KATNAL2: variants seen among roughly 807,000 people sequenced by gnomAD.
KATNAL2 encodes katanin p60 ATPase-containing subunit A-like 2.
In KATNAL2, 52 loss-of-function variants were observed where a neutral mutation model predicts 76.3. The observed-to-expected ratio is 0.68, with a 90% CI of 0.55 to 0.86. The LOEUF (loss-of-function observed/expected upper bound fraction) is 0.86. Ranked by LOEUF, KATNAL2 falls within the 40% of genes least tolerant of loss-of-function variation. The pLI is 0.00. For missense variants in KATNAL2, 660 were observed against 668.9 expected, an observed-to-expected ratio of 0.99 and a Z score of 0.15; for synonymous variants, 243 against 244.2, an observed-to-expected ratio of 1.00 and a Z score of 0.05.
chr18:47,043,421 C>T (rs2061041690), intron 3 of KATNAL2, among the ~76,000 whole-genome samples: 1 of 152,186 alleles, frequency 6.6e-6, no homozygotes, highest in African/African-American at 2.4e-5. Context: ...AGAATGTGTG[C>T]TATTTTTTGT....
At chr18:47,063,257 T>G (rs749398906) in intron 9 of KATNAL2, 27 bp from the exon 10 acceptor site, 3 of 1,607,790 alleles carry the variant, frequency 1.9e-6, no homozygotes, top group Non-Finnish European at 2.6e-6. Flanking sequence ...AATATTGTAA[T>G]GTGAGCCTTT....
chr18:47,084,351 G>A (rs1245945318), intron 15 of KATNAL2: 7 of 702,672 alleles, frequency 1.0e-5, no homozygotes, highest in African/African-American at 1.7e-5. Flanking sequence ...GCATTTTTGG[G>A]CTCCAGGAAG....
intron 3 of KATNAL2, among the ~76,000 whole-genome samples, chr18:46,967,542 C>CGT (rs67844926): frequency 0.23 from 23,272 of 99,906 alleles, 174 homozygotes; most frequent in East Asian, 0.4. Flanking sequence ...TGTGCGTGTG[C>CGT]GTGTGTGTGT....
chr18:46,944,540 G>A (rs1194780802), intron 1 of KATNAL2, among the ~76,000 whole-genome samples: 1 of 152,074 alleles, frequency 6.6e-6, no homozygotes, highest in African/African-American at 2.4e-5. Context: ...TTCGAGACCA[G>A]CCTGGCCAAC....
intron 5 of KATNAL2, among the ~76,000 whole-genome samples, chr18:47,053,866 C>T (rs2061401648): frequency 6.6e-6 from 1 of 152,190 alleles, no homozygotes; most frequent in Non-Finnish European, 1.5e-5. Context: ...GAAGAGACAG[C>T]CCAGACTCCT....
At chr18:47,046,704 C>T (rs1015923100) in intron 4 of KATNAL2, among the ~76,000 whole-genome samples, 177 bp downstream of exon 4, 1 of 152,162 alleles carries the variant, frequency 6.6e-6, no homozygotes. Flanking sequence ...AGTTTCCTCT[C>T]CCAGTGACAT....
Position 47,069,273 on chromosome 18 carries a change from C to T in KATNAL2, c.879C>T (p.Tyr293=), listed in dbSNP as rs148972019. The part of the protein sequence containing the change: ...ILSPWKGLLL[Y]GPPGTGKTLL... Reference sequence around the variant, plus strand: ...CTCCCTGGAAAGGACTACTGCTGTACGGCCCTCCAGGTAAACACAGCTTCC... The same window carrying T: ...CTCCCTGGAAAGGACTACTGCTGTATGGCCCTCCAGGTAAACACAGCTTCC... Residue 293 remains tyrosine, a synonymous_variant, in exon 12 of 18, where the codon TAC becomes TAT. Transcript: ENST00000683218. The T allele has an allele frequency of 1.2e-4, 187 of 1,608,968 alleles. 1 individual carries two copies. The highest frequency in any genetic ancestry group is 5.0e-4 in the South Asian group (45 of 90,514).
At chr18:47,048,390 A>G (rs1441362294) in intron 4 of KATNAL2, among the ~76,000 whole-genome samples, 1 of 152,186 alleles carries the variant, frequency 6.6e-6, no homozygotes, top group East Asian at 1.9e-4. Context: ...ACGAACTGAG[A>G]GTTCCCATTG....
chr18:47,035,366 G>C, intron 3 of KATNAL2: 1 of 1,571,076 alleles, frequency 6.4e-7, no homozygotes, highest in Non-Finnish European at 8.6e-7. Context: ...CTGCCCGGTC[G>C]CCAGGCAGCG....
intron 6 of KATNAL2, among the ~76,000 whole-genome samples, chr18:47,056,950 C>A (rs2061489002): frequency 6.6e-6 from 1 of 151,616 alleles, no homozygotes; most frequent in South Asian, 2.1e-4. Context: ...TTTGTGCCAG[C>A]AAAAGGGTAG....
intron 3 of KATNAL2, among the ~76,000 whole-genome samples, chr18:46,956,048 C>G (rs938784829): frequency 3.3e-5 from 5 of 152,130 alleles, no homozygotes; most frequent in Non-Finnish European, 7.3e-5. Flanking sequence ...ACATATGATT[C>G]ATATCTAAAA....
intron 7 of KATNAL2, among the ~76,000 whole-genome samples, 185 bp from the exon 8 acceptor site, chr18:47,059,371 C>T (rs888773243): frequency 2.6e-5 from 4 of 152,248 alleles, no homozygotes; most frequent in Admixed American, 2.6e-4. Context: ...ACTCTTTCCA[C>T]ATAGTGCAGG....
chr18:47,070,234 T>C (rs990421970), intron 13 of KATNAL2, among the ~76,000 whole-genome samples: 8 of 151,814 alleles, frequency 5.3e-5, no homozygotes, highest in African/African-American at 1.9e-4. Context: ...ATAGCTGGGA[T>C]TACAGGTGCC....
intron 15 of KATNAL2, among the ~76,000 whole-genome samples, chr18:47,095,508 A>G (rs1006854613): frequency 2.0e-5 from 3 of 152,094 alleles, no homozygotes; most frequent in Admixed American, 6.5e-5. Context: ...TTCCATCATG[A>G]TTGTCAGTTT....
At chr18:46,936,667 A>G (rs745616292) in intron 1 of KATNAL2, among the ~76,000 whole-genome samples, 23 of 152,122 alleles carry the variant, frequency 1.5e-4, no homozygotes, top group Non-Finnish European at 2.5e-4. Context: ...ATCCAAATTT[A>G]TGGGCCAGAC....
At chr18:46,965,584 C>CCCA (rs2060098879) in intron 3 of KATNAL2, among the ~76,000 whole-genome samples, 1 of 86,290 alleles carries the variant, frequency 1.2e-5, no homozygotes, top group African/African-American at 4.9e-5. Flanking sequence ...CATCCCCGCC[C>CCCA]CCCCCCCCCC....
At chr18:47,075,725 C>T (rs1464832163) in intron 14 of KATNAL2, among the ~76,000 whole-genome samples, 1 of 152,182 alleles carries the variant, frequency 6.6e-6, no homozygotes, top group African/African-American at 2.4e-5. Context: ...GGGGCTGCCC[C>T]TGGGGAATGA....
At chr18:47,057,554 A>G (rs532670335) in intron 6 of KATNAL2, among the ~76,000 whole-genome samples, 13 of 152,054 alleles carry the variant, frequency 8.5e-5, no homozygotes, top group Non-Finnish European at 1.9e-4. Context: ...TTCTCAGTCA[A>G]ATTCTCCCCA....
intron 13 of KATNAL2, among the ~76,000 whole-genome samples, chr18:47,073,262 C>T (rs1460056949): frequency 2.0e-5 from 3 of 152,142 alleles, no homozygotes; most frequent in Non-Finnish European, 2.9e-5. Context: ...TTTCAGTGCT[C>T]GAATATGTAT....
Sources: gnomAD v4.1 joint callset for allele counts (sites outside exome capture counted in the v4.1 genomes callset) on GRCh38, gnomAD v4.1.1 for gene constraint, MANE v1.5 for transcripts, NCBI Gene and HGNC (gene_info 2026-07-23, HGNC 2026-07-21) for gene names.